AFG1L: variants seen among roughly 807,000 people sequenced by gnomAD.
The protein encoded by AFG1L is AFG1 like ATPase, also known as AFG1-like ATPase.
A neutral mutation model predicts 62.2 loss-of-function variants in AFG1L; 53 were observed. The ratio of observed to expected loss-of-function variants is 0.85; its 90% CI spans 0.68 to 1.07. AFG1L has a LOEUF of 1.07. Among genes scored for constraint, AFG1L ranks in the 50% least tolerant of loss-of-function variants. The pLI is 0.00. For missense variants in AFG1L, 555 were observed against 590.5 expected (o/e 0.94, Z 0.62); for synonymous variants, 228 against 210.3 (o/e 1.08, Z -0.73).
intron 2 of AFG1L, among the ~76,000 whole-genome samples, chr6:108,331,041 A>C (rs1778259160): frequency 6.6e-6 from 1 of 152,102 alleles, no homozygotes. Context: ...TAATTCCGGC[A>C]TTTTGAGAGG....
intron 6 of AFG1L, among the ~76,000 whole-genome samples, chr6:108,388,642 G>C (rs1231527031): frequency 1.3e-5 from 2 of 151,574 alleles, no homozygotes; most frequent in African/African-American, 4.8e-5. Context: ...GTACCCAGTA[G>C]TCATTCAGGA....
intron 7 of AFG1L, among the ~76,000 whole-genome samples, chr6:108,419,228 T>C (rs1182343239): frequency 6.6e-6 from 1 of 152,206 alleles, no homozygotes; most frequent in Non-Finnish European, 1.5e-5. Context: ...GAAATGTTCC[T>C]GTGCAAGATT....
chr6:108,338,674 C>T (rs904494189), intron 2 of AFG1L, among the ~76,000 whole-genome samples: 1 of 152,118 alleles, frequency 6.6e-6, no homozygotes, highest in Non-Finnish European at 1.5e-5. Flanking sequence ...TTCAGTGTTT[C>T]TCCAACTTGA....
chr6:108,515,774 A>G (rs1774857362), intron 11 of AFG1L, among the ~76,000 whole-genome samples: 1 of 152,006 alleles, frequency 6.6e-6, no homozygotes, highest in Admixed American at 6.5e-5. Context: ...AAAGAAGAAA[A>G]GAGAGAAGAA....
In AFG1L at chr6:108,323,938, G is replaced by C. The variant is rs1461590176; in HGVS notation, c.253G>C (p.Ala85Pro). The change falls in exon 2 of 13, where the codon GCT becomes CCT. Residue 85 changes from alanine (A) to proline (P), a missense_variant. Ala to Pro is a conservative substitution (Grantham distance 27, BLOSUM62 -1). Transcript: ENST00000368977. ...GGACCACTATGATTTTCTGATCAAAGCTCATGAGCTAAAGGATGATGAACA... is the reference window on the plus strand; with the variant it reads ...GGACCACTATGATTTTCTGATCAAACCTCATGAGCTAAAGGATGATGAACA... Reference protein sequence around the residue: ...PLDHYDFLIKAHELKDDEHQR... With the variant: ...PLDHYDFLIKPHELKDDEHQR... 1 of 1,614,128 alleles carries C rather than the reference G, an allele frequency of 6.2e-7. No homozygotes were observed. The highest frequency in any genetic ancestry group is 8.5e-7 in the Non-Finnish European group (1 of 1,179,972).
At position 108,459,453 on chromosome 6, in the gene AFG1L, G is replaced by A. The variant is rs1772373206; in HGVS notation, c.890+12157G>A. Among the ~76,000 whole-genome samples, 3 of 152,118 alleles carry A rather than the reference G, an allele frequency of 2.0e-5. No homozygotes were observed. In the East Asian group the frequency reaches 5.8e-4, roughly 29 times the overall value. ...TGTTATCCAGTGTCTGCAAACCATT[G>A]TTTCATATATTTTAGATTGTTTCGG... On this transcript the variant is annotated intron_variant, in intron 8 of 12. Coordinates refer to ENST00000368977, the MANE Select transcript of AFG1L (RefSeq NM_145315.5).
chr6:108,400,755 A>G (rs1346571207), intron 6 of AFG1L, among the ~76,000 whole-genome samples: 1 of 126,404 alleles, frequency 7.9e-6, no homozygotes, highest in East Asian at 2.0e-4. Flanking sequence ...ATGATATTAT[A>G]TATGTTATAT....
rs9480847 is a variant in AFG1L at position 108,302,147 on chromosome 6, A to G, written c.139+6929A>G. Among the ~76,000 whole-genome samples the G allele has an allele frequency of 6.4e-3, 974 of 152,214 alleles. 6 individuals are homozygous for G. Among genetic ancestry groups the G allele is most frequent in the African/African-American group, 0.023 (939 of 41,538 alleles). The stretch of plus-strand genomic sequence containing the variant: ...TTTTTAGTAGAGGCGGGGTTTCACC[A>G]TGTTGGCCAGGCTGGTCTTGAACTC... On this transcript the variant is annotated intron_variant, in intron 1 of 12. Coordinates refer to ENST00000368977, the MANE Select transcript of AFG1L (RefSeq NM_145315.5).
chr6:108,308,673 A>G (rs1420848858), intron 1 of AFG1L, among the ~76,000 whole-genome samples: 1 of 151,678 alleles, frequency 6.6e-6, no homozygotes, highest in Non-Finnish European at 1.5e-5. Context: ...GCCCAGATGA[A>G]GAAGTTCTAA....
rs759578378 is a variant in AFG1L at position 108,477,253 on chromosome 6, A to T, written c.1023A>T (p.Gly341=). 7.5e-6 allele frequency: 12 copies of T among 1,610,408 alleles called. No individual in the cohort carries two copies. The South Asian group carries it at 9.9e-5, about 13-fold the overall frequency. ...GRELRLNKAC[G]TVADCTFEEL... ...AGCTGCGCCTGAATAAAGCCTGTGGAACCGTTGCCGACTGCACATTTGAAG... is the reference window on the plus strand; with the variant it reads ...AGCTGCGCCTGAATAAAGCCTGTGGTACCGTTGCCGACTGCACATTTGAAG... Residue 341 remains glycine (G), a synonymous_variant, in exon 10 of 13, where the codon GGA becomes GGT. Transcript: ENST00000368977.
In AFG1L at chr6:108,426,313, A is replaced by G. The variant is rs185389117; in HGVS notation, c.808-20901A>G. Among the ~76,000 whole-genome samples, 304 of 152,230 alleles carry G rather than the reference A, an allele frequency of 2.0e-3. 2 individuals carry two copies. The highest frequency in any genetic ancestry group is 6.8e-3 in the African/African-American group (283 of 41,540). Reference sequence around the variant, plus strand: ...GGGTAAATTTACTGGATGTTGAAAAACTAATTTTGCAAAGCTGCATGTATA... The same window carrying G: ...GGGTAAATTTACTGGATGTTGAAAAGCTAATTTTGCAAAGCTGCATGTATA... On this transcript the variant is annotated intron_variant, in intron 7 of 12. Coordinates refer to ENST00000368977, the MANE Select transcript of AFG1L (RefSeq NM_145315.5).
At chr6:108,408,034 T>C (rs1773338822) in intron 7 of AFG1L, among the ~76,000 whole-genome samples, 1 of 152,170 alleles carries the variant, frequency 6.6e-6, no homozygotes, top group Non-Finnish European at 1.5e-5. Context: ...TTAGTGATTA[T>C]TACATTGAGT....
At chr6:108,400,602 T>C (rs1179575824) in intron 6 of AFG1L, among the ~76,000 whole-genome samples, 5 of 134,988 alleles carry the variant, frequency 3.7e-5, no homozygotes, top group Admixed American at 8.4e-5. Flanking sequence ...AATTTATATA[T>C]TTATATATAA....
At chr6:108,521,436 T>C (rs1582700313) in intron 12 of AFG1L, 1 of 152,060 alleles carries the variant, frequency 6.6e-6, no homozygotes, top group South Asian at 2.1e-4. Flanking sequence ...AAGGCAGAGG[T>C]TGCAGTGAGG....
chr6:108,365,620 A>G (rs1246757564), intron 5 of AFG1L, among the ~76,000 whole-genome samples: 1 of 151,936 alleles, frequency 6.6e-6, no homozygotes, highest in Non-Finnish European at 1.5e-5. Context: ...AAAAAGAACA[A>G]TGAAATTGCT....
intron 10 of AFG1L, among the ~76,000 whole-genome samples, chr6:108,505,743 C>T (rs1415266066): frequency 1.3e-5 from 2 of 152,100 alleles, no homozygotes; most frequent in Non-Finnish European, 2.9e-5. Flanking sequence ...GCAGATTAAA[C>T]ACAGCTAAGG....
chr6:108,367,162 G>T (rs1049745762), intron 6 of AFG1L, among the ~76,000 whole-genome samples: 3 of 152,078 alleles, frequency 2.0e-5, no homozygotes, highest in Non-Finnish European at 2.9e-5. Flanking sequence ...TTTATTGTCT[G>T]TTCCCTTCCA....
intron 6 of AFG1L, among the ~76,000 whole-genome samples, chr6:108,367,185 T>G (rs1779796724): frequency 6.6e-6 from 1 of 152,226 alleles, no homozygotes; most frequent in Non-Finnish European, 1.5e-5. Context: ...ATACAAAAGC[T>G]TCATGAGGGC....
At chr6:108,332,364 C>T (rs1246390248) in intron 2 of AFG1L, among the ~76,000 whole-genome samples, 1 of 152,026 alleles carries the variant, frequency 6.6e-6, no homozygotes, top group Non-Finnish European at 1.5e-5. Flanking sequence ...AATAGACAGA[C>T]AAATAGAACA....
Sources: gnomAD v4.1 joint callset for allele counts (sites outside exome capture counted in the v4.1 genomes callset) on GRCh38, gnomAD v4.1.1 for gene constraint, MANE v1.5 for transcripts, NCBI Gene and HGNC (gene_info 2026-07-23, HGNC 2026-07-21) for gene names.